Variants in MGAT5B observed in about 807,000 individuals in gnomAD.
The protein encoded by MGAT5B is alpha-1,6-mannosylglycoprotein 6-beta-N-acetylglucosaminyltransferase B.
In MGAT5B, 54 loss-of-function variants were observed where a neutral mutation model predicts 95.1. That is an observed-to-expected ratio of 0.57 (90% CI 0.46 to 0.71). The LOEUF (loss-of-function observed/expected upper bound fraction) is 0.71. MGAT5B is among the 30% of genes least tolerant of loss of function. The pLI is 0.00. For synonymous variants in MGAT5B, 464 were observed against 451.0 expected, an observed-to-expected ratio of 1.03 and a Z score of -0.36; for missense variants, 935 against 1,088.6, an observed-to-expected ratio of 0.86 and a Z score of 1.99.
At chr17:76,927,245 TTTG>T (rs1229800428) in intron 10 of MGAT5B, among the ~76,000 whole-genome samples, 1 of 152,030 alleles carries the variant, frequency 6.6e-6, no homozygotes, top group Non-Finnish European at 1.5e-5. Context: ...TATTTGTTTG[TTTG>T]TTTTTTGAGA....
intron 3 of MGAT5B, among the ~76,000 whole-genome samples, chr17:76,898,931 T>C (rs595779): frequency 0.61 from 92,823 of 152,058 alleles, 31,490 homozygotes; most frequent in East Asian, 0.96. Flanking sequence ...CTGGCCAGCA[T>C]CTGGTTCCAC....
rs892824848 is a variant in MGAT5B at position 76,906,892 on chromosome 17, T to C, written c.1025+705T>C. Among the ~76,000 whole-genome samples, 1 of 152,088 alleles carries C rather than the reference T, an allele frequency of 6.6e-6. No homozygotes were observed. The highest frequency in any genetic ancestry group is 1.5e-5 in the Non-Finnish European group (1 of 68,024). Reference sequence around the variant, plus strand: ...TGATGCATACAAAGTCTATGTAAAGTATGTTGTGAAACACAACAGTCAAAT... The same window carrying C: ...TGATGCATACAAAGTCTATGTAAAGCATGTTGTGAAACACAACAGTCAAAT... On this transcript the variant is annotated intron_variant, in intron 8 of 17. Coordinates refer to ENST00000569840, the MANE Select transcript of MGAT5B (RefSeq NM_001199172.2). The surrounding 1 kb of genome is among the most constrained non-coding windows in gnomAD (Gnocchi z 4.6).
intron 6 of MGAT5B, 104 bp downstream of exon 6, chr17:76,904,526 T>C (rs912637720): frequency 1.5e-6 from 2 of 1,321,670 alleles, no homozygotes; most frequent in African/African-American, 2.9e-5. Flanking sequence ...ACTGAGCTGC[T>C]TGCCAGGTGT....
rs1369354221 is a variant in MGAT5B at position 76,917,682 on chromosome 17, G to A, written c.1026-7284G>A. On this transcript the variant is annotated intron_variant, in intron 8 of 17. Coordinates refer to ENST00000569840, the MANE Select transcript of MGAT5B (RefSeq NM_001199172.2). This position sits in a 1 kb window ranked among gnomAD's most constrained non-coding sequence, Gnocchi z 6.1. ...CTGCTCGAGTGGGATTGACAGCGGA[G>A]TCTTACCCCAAGGTCCCTGCACAGG... 2.6e-5 allele frequency among the ~76,000 whole-genome samples: 4 copies of A among 152,088 alleles called. No homozygotes were observed. The highest frequency in any genetic ancestry group is 5.9e-5 in the Non-Finnish European group (4 of 68,016).
Position 76,918,691 on chromosome 17 carries a change from A to T in MGAT5B, c.1026-6275A>T, listed in dbSNP as rs1969027209. Among the ~76,000 whole-genome samples the T allele has an allele frequency of 6.6e-6, 1 of 152,090 alleles. No homozygotes were observed. Among genetic ancestry groups the T allele is most frequent in the Non-Finnish European group, 1.5e-5 (1 of 67,996 alleles). ...ATGGCAGGGTTGGGGGCTGCCCATG[A>T]TACTTGGGAAACGGGCACTGGTCAG... On this transcript the variant is annotated intron_variant, in intron 8 of 17. Coordinates refer to ENST00000569840, the MANE Select transcript of MGAT5B (RefSeq NM_001199172.2). This position sits in a 1 kb window ranked among gnomAD's most constrained non-coding sequence, Gnocchi z 5.1.
chr17:76,884,634 C>T (rs12449794), intron 3 of MGAT5B, among the ~76,000 whole-genome samples: 6,227 of 145,356 alleles, frequency 0.043, 172 homozygotes, highest in East Asian at 0.06. Flanking sequence ...GACAAAGTCT[C>T]GCACTGTTGC....
In MGAT5B at chr17:76,905,468, A is replaced by T. The variant is rs2145193861; in HGVS notation, c.855+135A>T. The T allele has an allele frequency of 1.2e-6, 1 of 837,922 alleles. No individual in the cohort carries two copies. Among genetic ancestry groups the T allele is most frequent in the Non-Finnish European group, 1.8e-6 (1 of 566,000 alleles). The allele number at this position is 837,922 out of a possible 1,614,324, so 51.9% of individuals were successfully genotyped here. On this transcript the variant is annotated intron_variant, in intron 7 of 17. Coordinates refer to ENST00000569840, the MANE Select transcript of MGAT5B (RefSeq NM_001199172.2). This position sits in a 1 kb window ranked among gnomAD's most constrained non-coding sequence, Gnocchi z 4.2. Reference sequence around the variant, plus strand: ...TGATCAGAGGGAGAGAGGGGTAGGGATGGCAGAGTCGGGATAGATGTCTGT... The same window carrying T: ...TGATCAGAGGGAGAGAGGGGTAGGGTTGGCAGAGTCGGGATAGATGTCTGT...
At chr17:76,921,943 A>C (rs35954066) in intron 8 of MGAT5B, among the ~76,000 whole-genome samples, 90,729 of 152,016 alleles carry the variant, frequency 0.6, 27,190 homozygotes, top group Non-Finnish European at 0.62. Context: ...ATGAATCAGT[A>C]AGTTGAAAGC....
In MGAT5B at chr17:76,906,821, G is replaced by GA. The variant is rs1968547424; in HGVS notation, c.1025+636dup. 6.6e-6 allele frequency among the ~76,000 whole-genome samples: 1 copy of GA among 152,014 alleles called. No homozygotes were observed. Reference sequence around the variant, plus strand: ...TAATCACTGTTTCTGTGGGATGTAGGAATACAGGAGATTCTTCTCTTTATT... The same window carrying GA: ...TAATCACTGTTTCTGTGGGATGTAGGAAATACAGGAGATTCTTCTCTTTATT... On this transcript the variant is annotated intron_variant, in intron 8 of 17. Transcript: ENST00000569840. This position sits in a 1 kb window ranked among gnomAD's most constrained non-coding sequence, Gnocchi z 4.6.
At chr17:76,898,093 A>G (rs1968166380) in intron 3 of MGAT5B, among the ~76,000 whole-genome samples, 2 of 152,094 alleles carry the variant, frequency 1.3e-5, no homozygotes, top group Admixed American at 6.6e-5. Flanking sequence ...TTTTTCATAA[A>G]GTACACTAAT....
intron 10 of MGAT5B, among the ~76,000 whole-genome samples, chr17:76,929,648 G>C (rs1209866357): frequency 6.6e-6 from 1 of 152,138 alleles, no homozygotes; most frequent in African/African-American, 2.4e-5. Flanking sequence ...CGAAGAAAGT[G>C]GGGACAAAAG....
intron 3 of MGAT5B, among the ~76,000 whole-genome samples, chr17:76,885,537 T>A (rs1598902997): frequency 1.3e-5 from 2 of 152,180 alleles, no homozygotes; most frequent in South Asian, 4.1e-4. Flanking sequence ...TTTCCGGTCC[T>A]GGCCTGTGCC....
rs754214145 is a variant in MGAT5B, at chr17:76,940,888, C to T, written c.1848+40C>T. The T allele has an allele frequency of 2.7e-6, 4 of 1,495,832 alleles. No homozygotes were observed. The East Asian group carries it at 6.8e-5, about 25-fold the overall frequency. The allele number at this position is 1,495,832 out of a possible 1,614,324, so 92.7% of individuals were successfully genotyped here. A position where few individuals can be genotyped will look rare whatever the true frequency, so the allele number is the denominator to read the frequency against. On this transcript the variant is annotated intron_variant, in intron 15 of 17. Transcript: ENST00000569840. This position sits in a 1 kb window ranked among gnomAD's most constrained non-coding sequence, Gnocchi z 4.3. ...ATACAGTTGAGACCCCCCACTAGTC[C>T]ACACTGCTGGTCTTCACTCTGATTA...
rs1757026534 is a variant in MGAT5B at position 76,870,210 on chromosome 17, G to A, written c.68+1113G>A. On this transcript the variant is annotated intron_variant, in intron 1 of 17. Coordinates refer to ENST00000569840, the MANE Select transcript of MGAT5B (RefSeq NM_001199172.2). The surrounding 1 kb of genome is among the most constrained non-coding windows in gnomAD (Gnocchi z 5.0). ...CGGGGATGGGGGCGGGGAGACGGTG[G>A]CTCACCTGGAGCCCGCCTCCCAGCA... Among the ~76,000 whole-genome samples, 1 of 152,174 alleles carries A rather than the reference G, an allele frequency of 6.6e-6. No individual in the cohort carries two copies. Among genetic ancestry groups the A allele is most frequent in the African/African-American group, 2.4e-5 (1 of 41,446 alleles).
At chr17:76,925,785 C>T (rs1969294435) in intron 9 of MGAT5B, among the ~76,000 whole-genome samples, 2 of 152,166 alleles carry the variant, frequency 1.3e-5, no homozygotes, top group Admixed American at 1.3e-4. Context: ...TTCTGGGTCA[C>T]CAGGAAGGAC....
chr17:76,870,458 C>G lies in MGAT5B; in HGVS notation c.68+1361C>G, dbSNP rs1348497388. ...CTTGAATCCCTGGCCTGACTGGGAA[C>G]GCTGGAGGGTCCTCGCCCCTTCCGA... On this transcript the variant is annotated intron_variant, in intron 1 of 17. Transcript: ENST00000569840. This position sits in a 1 kb window ranked among gnomAD's most constrained non-coding sequence, Gnocchi z 5.0. Among the ~76,000 whole-genome samples the G allele has an allele frequency of 7.2e-6, 1 of 138,538 alleles. No homozygotes were observed. The highest frequency in any genetic ancestry group is 1.5e-5 in the Non-Finnish European group (1 of 65,308). The allele number at this position is 138,538 out of a possible 152,430, so 90.9% of individuals were successfully genotyped here. A position where few individuals can be genotyped will look rare whatever the true frequency, so the allele number is the denominator to read the frequency against.
At chr17:76,948,205 C>T in intron 17 of MGAT5B, 119 bp downstream of exon 17, 1 of 1,442,588 alleles carries the variant, frequency 6.9e-7, no homozygotes, top group Non-Finnish European at 9.1e-7. Context: ...GGATGTAATG[C>T]TTTCCAATGA....
chr17:76,939,984 T>C (rs1242820762), intron 13 of MGAT5B, among the ~76,000 whole-genome samples: 1 of 152,178 alleles, frequency 6.6e-6, no homozygotes, highest in Non-Finnish European at 1.5e-5. Flanking sequence ...ACAAGTTAGA[T>C]GCTGAATAAA....
intron 3 of MGAT5B, among the ~76,000 whole-genome samples, chr17:76,897,016 G>A (rs1335689375): frequency 2.0e-5 from 3 of 152,016 alleles, no homozygotes; most frequent in Non-Finnish European, 4.4e-5. Flanking sequence ...CCTCACGGGC[G>A]CAAACGATCC....
Sources: allele counts gnomAD v4.1 joint callset (sites outside exome capture counted in the v4.1 genomes callset), GRCh38; gene constraint gnomAD v4.1.1; non-coding constraint Gnocchi (gnomAD v3.1); transcripts MANE v1.5; gene names NCBI Gene and HGNC (gene_info 2026-07-23, HGNC 2026-07-21).